RABGAP1L: variants seen among roughly 807,000 people sequenced by gnomAD.
RABGAP1L encodes the protein RAB GTPase activating protein 1 like.
Under a neutral mutation model 137.7 loss-of-function variants are expected in RABGAP1L, and 63 were observed. That is an observed-to-expected ratio of 0.46 (90% CI 0.37 to 0.56). The LOEUF (loss-of-function observed/expected upper bound fraction) is 0.56. Among genes scored for constraint, RABGAP1L ranks in the 20% least tolerant of loss-of-function variants. The pLI, the probability that RABGAP1L is intolerant of heterozygous loss-of-function variation, is 0.00. For synonymous variants in RABGAP1L, 431 were observed against 433.7 expected (o/e 0.99, Z 0.08); for missense variants, 1,095 against 1,244.0 (o/e 0.88, Z 1.80).
intron 13 of RABGAP1L, among the ~76,000 whole-genome samples, chr1:174,419,583 T>A (rs900616931): frequency 1.3e-5 from 2 of 152,208 alleles, no homozygotes; most frequent in Admixed American, 1.3e-4. Context: ...AGTTCATAGC[T>A]TAATTTGTTA....
intron 13 of RABGAP1L, among the ~76,000 whole-genome samples, chr1:174,461,241 A>G (rs1177866553): frequency 1.3e-5 from 2 of 152,112 alleles, no homozygotes; most frequent in Admixed American, 1.3e-4. Context: ...CTAAGCAGAA[A>G]ATTTTGAGGC....
At chr1:174,306,511 G>A (rs1321923072) in intron 11 of RABGAP1L, among the ~76,000 whole-genome samples, 2 of 152,120 alleles carry the variant, frequency 1.3e-5, no homozygotes, top group East Asian at 3.9e-4. Flanking sequence ...TTCTCTGATG[G>A]CCAGTGATGA....
chr1:174,854,715 CTTTTTTTTTTTTTTTTTTTTT>C lies in RABGAP1L; in HGVS notation c.2340+42780_2340+42800del, dbSNP rs71117584. 8.6e-3 allele frequency among the ~76,000 whole-genome samples: 487 copies of C among 56,778 alleles called. 18 individuals carry two copies. Among genetic ancestry groups the C allele is most frequent in the African/African-American group, 0.032 (430 of 13,556 alleles). The allele number at this position is 56,778 out of a possible 152,430, so 37.2% of individuals were successfully genotyped here. ...AACTGCAATAGACTCAATATAAATG[CTTTTTTTTTTTTTTTTTTTTT>C]TTTTTTTTTTTTTTTTTTTTTTTTG... On this transcript the variant is annotated intron_variant, in intron 19 of 25. Transcript: ENST00000681986.
intron 1 of RABGAP1L, among the ~76,000 whole-genome samples, chr1:174,178,298 T>G (rs931554679): frequency 6.6e-6 from 1 of 152,196 alleles, no homozygotes; most frequent in African/African-American, 2.4e-5. Flanking sequence ...GGAATGCTTG[T>G]GATTTTTGCA....
intron 18 of RABGAP1L, among the ~76,000 whole-genome samples, chr1:174,795,946 A>G (rs1688209253): frequency 6.6e-6 from 1 of 152,172 alleles, no homozygotes; most frequent in South Asian, 2.1e-4. Context: ...TGCATACTAC[A>G]TGTGTTAATA....
chr1:174,284,281 A>G (rs1170927423), intron 10 of RABGAP1L, among the ~76,000 whole-genome samples: 1 of 152,128 alleles, frequency 6.6e-6, no homozygotes, highest in African/African-American at 2.4e-5. Context: ...GGCAACCACC[A>G]TTCTACTCTG....
intron 13 of RABGAP1L, among the ~76,000 whole-genome samples, chr1:174,406,668 G>C (rs1212565849): frequency 1.1e-5 from 1 of 92,626 alleles, no homozygotes; most frequent in African/African-American, 1.3e-4. Context: ...GGGCATGGTG[G>C]CTCATGCTTT....
intron 17 of RABGAP1L, among the ~76,000 whole-genome samples, chr1:174,715,213 T>A (rs1680903332): frequency 6.6e-6 from 1 of 152,206 alleles, no homozygotes; most frequent in Non-Finnish European, 1.5e-5. Flanking sequence ...GTCTAGAAAC[T>A]GTATTGGGAA....
chr1:174,555,590 A>T (rs931922326), intron 13 of RABGAP1L, among the ~76,000 whole-genome samples: 1 of 152,228 alleles, frequency 6.6e-6, no homozygotes, highest in African/African-American at 2.4e-5. Flanking sequence ...AATAGTGAAG[A>T]TATAGATATA....
intron 12 of RABGAP1L, among the ~76,000 whole-genome samples, chr1:174,388,962 C>A (rs1025775065): frequency 1.3e-5 from 2 of 151,906 alleles, no homozygotes; most frequent in African/African-American, 4.8e-5. Flanking sequence ...TTTCAGTGGT[C>A]ACATTCAATG....
At position 174,272,394 on chromosome 1, in the gene RABGAP1L, T is replaced by C. The variant is rs375345730; in HGVS notation, c.987-20T>C. ...ATTCTTGATACCTTATTTCTCCTTTTTTTCCCCCAATATTTTCAGATGTTT... is the reference window on the plus strand; with the variant it reads ...ATTCTTGATACCTTATTTCTCCTTTCTTTCCCCCAATATTTTCAGATGTTT... On this transcript the variant is annotated intron_variant, in intron 7 of 25. Transcript: ENST00000681986. The C allele has an allele frequency of 1.8e-5, 29 of 1,600,736 alleles. No homozygotes were observed. In the African/African-American group the frequency reaches 3.2e-4, roughly 18 times the overall value.
chr1:174,598,070 G>T (rs541753940), intron 13 of RABGAP1L, among the ~76,000 whole-genome samples: 1 of 152,064 alleles, frequency 6.6e-6, no homozygotes, highest in South Asian at 2.1e-4. Context: ...GTGGCTCACG[G>T]CTGTAATCCC....
intron 19 of RABGAP1L, among the ~76,000 whole-genome samples, chr1:174,847,444 A>G (rs1361200641): frequency 6.6e-6 from 1 of 150,760 alleles, no homozygotes; most frequent in Non-Finnish European, 1.5e-5. Context: ...ATCTCTCAGC[A>G]TTTGCTTGTC....
intron 11 of RABGAP1L, among the ~76,000 whole-genome samples, chr1:174,322,673 G>A (rs1037855844): frequency 1.3e-5 from 2 of 152,116 alleles, no homozygotes; most frequent in African/African-American, 2.4e-5. Flanking sequence ...AAGTCACAGA[G>A]TTAAGCCCTT....
intron 11 of RABGAP1L, among the ~76,000 whole-genome samples, chr1:174,347,315 T>A (rs1242168091): frequency 6.6e-6 from 1 of 152,198 alleles, no homozygotes; most frequent in Non-Finnish European, 1.5e-5. Context: ...AGTGGAGTGT[T>A]GAAGTCTCTA....
intron 19 of RABGAP1L, among the ~76,000 whole-genome samples, chr1:174,845,158 A>T (rs1238817018): frequency 1.4e-5 from 2 of 143,478 alleles, no homozygotes. Flanking sequence ...ATAAACAATC[A>T]TGTCGTCTGC....
intron 13 of RABGAP1L, among the ~76,000 whole-genome samples, chr1:174,466,063 A>G (rs1012902562): frequency 2.6e-5 from 4 of 152,214 alleles, no homozygotes. Context: ...CCCTTAGTGC[A>G]GCTCCACATG....
Position 174,275,940 on chromosome 1 carries a change from C to T in RABGAP1L, c.1156+5C>T. ...TTAACGAGGAAACCCCAAAAGGTGACTTTTCTTAAAAGATCCCTTATTGTT... is the reference window on the plus strand; with the variant it reads ...TTAACGAGGAAACCCCAAAAGGTGATTTTTCTTAAAAGATCCCTTATTGTT... On this transcript the variant is annotated splice_donor_5th_base_variant and intron_variant, in intron 9 of 25. Transcript: ENST00000681986. 6.2e-7 allele frequency: 1 copy of T among 1,604,442 alleles called. No homozygotes were observed. Among genetic ancestry groups the T allele is most frequent in the Admixed American group, 1.7e-5 (1 of 59,602 alleles).
At chr1:174,195,769 C>CTTTCTTT (rs1558021991) in intron 1 of RABGAP1L, among the ~76,000 whole-genome samples, 1 of 104,606 alleles carries the variant, frequency 9.6e-6, no homozygotes, top group Non-Finnish European at 2.0e-5. Flanking sequence ...CTCTCTTTCT[C>CTTTCTTT]TCTTTCCTTT....
Sources: allele counts gnomAD v4.1 joint callset (sites outside exome capture counted in the v4.1 genomes callset), GRCh38; gene constraint gnomAD v4.1.1; transcripts MANE v1.5; gene names NCBI Gene and HGNC (gene_info 2026-07-23, HGNC 2026-07-21).